CHST11: variants seen among roughly 807,000 people sequenced by gnomAD.
The protein encoded by CHST11 is carbohydrate sulfotransferase 11, also known as C4S-1.
Under a neutral mutation model 30.4 loss-of-function variants are expected in CHST11, and 9 were observed. The observed-to-expected ratio is 0.30, with a 90% CI of 0.18 to 0.52. The LOEUF (loss-of-function observed/expected upper bound fraction) is 0.52, where lower values mean the gene tolerates loss of function less well. Among genes scored for constraint, CHST11 ranks in the 20% least tolerant of loss-of-function variants. The pLI is 0.97. For missense variants in CHST11, 348 were observed against 460.6 expected (o/e 0.76, Z 2.24); for synonymous variants, 152 against 187.8 (o/e 0.81, Z 1.56).
chr12:104,534,001 T>C (rs961926843), intron 1 of CHST11, among the ~76,000 whole-genome samples: 2 of 152,186 alleles, frequency 1.3e-5, no homozygotes, highest in African/African-American at 4.8e-5. Context: ...AAGTTACTTA[T>C]AATGAAAGAG....
intron 1 of CHST11, among the ~76,000 whole-genome samples, chr12:104,478,243 T>C (rs543753402): frequency 1.3e-5 from 2 of 152,354 alleles, no homozygotes; most frequent in South Asian, 2.1e-4. Context: ...CTGTTACTTA[T>C]ATCTCCAGAA....
intron 2 of CHST11, among the ~76,000 whole-genome samples, chr12:104,653,959 C>T (rs1268827099): frequency 2.6e-5 from 4 of 152,140 alleles, no homozygotes; most frequent in Admixed American, 6.5e-5. Flanking sequence ...GGTAGTAAAA[C>T]GTCCCCGACA....
intron 2 of CHST11, among the ~76,000 whole-genome samples, chr12:104,630,912 C>T (rs10861259): frequency 0.3 from 44,902 of 152,070 alleles, 7,499 homozygotes; most frequent in East Asian, 0.41. Flanking sequence ...AGGCTTTCTT[C>T]TGAAACAGGA....
At chr12:104,692,996 A>G (rs1355861618) in intron 2 of CHST11, among the ~76,000 whole-genome samples, 8 of 152,130 alleles carry the variant, frequency 5.3e-5, no homozygotes, top group Non-Finnish European at 4.4e-5. Context: ...GGAGGCTGGA[A>G]GTCCAAGATC....
intron 2 of CHST11, among the ~76,000 whole-genome samples, chr12:104,736,722 G>T (rs2040304150): frequency 6.6e-6 from 1 of 152,156 alleles, no homozygotes; most frequent in African/African-American, 2.4e-5. Flanking sequence ...GGGTCTTAGA[G>T]TAGCCCTTTG....
At chr12:104,720,768 A>G (rs1023707212) in intron 2 of CHST11, among the ~76,000 whole-genome samples, 1 of 152,336 alleles carries the variant, frequency 6.6e-6, no homozygotes, top group Middle Eastern at 3.4e-3. Flanking sequence ...GTAGAAATCT[A>G]ATTTGAAAAA....
chr12:104,502,465 GA>G (rs1187587355), intron 1 of CHST11, among the ~76,000 whole-genome samples: 3 of 151,974 alleles, frequency 2.0e-5, no homozygotes, highest in East Asian at 1.9e-4. Flanking sequence ...TTGCTGTGGG[GA>G]AAAAAAGTCA....
chr12:104,459,979 A>G (rs568653444), intron 1 of CHST11, among the ~76,000 whole-genome samples: 1 of 152,396 alleles, frequency 6.6e-6, no homozygotes, highest in South Asian at 2.1e-4. Context: ...GTTTATCATT[A>G]CACGGGGCAT....
At chr12:104,584,261 CTT>C (rs34673490) in intron 1 of CHST11, among the ~76,000 whole-genome samples, 3 of 136,774 alleles carry the variant, frequency 2.2e-5, no homozygotes, top group African/African-American at 5.4e-5. Context: ...TCTCTTTCTT[CTT>C]TTTTTTTTTT....
At chr12:104,493,267 C>T (rs982024094) in intron 1 of CHST11, among the ~76,000 whole-genome samples, 1 of 152,164 alleles carries the variant, frequency 6.6e-6, no homozygotes, top group African/African-American at 2.4e-5. Context: ...CTAGTGTTTA[C>T]CTTGGAGCTG....
At chr12:104,756,811 T>C (rs1186726947) in intron 2 of CHST11, 138 bp from the exon 3 acceptor site, 1 of 989,168 alleles carries the variant, frequency 1.0e-6, no homozygotes, top group Non-Finnish European at 1.5e-6. Context: ...CTTCCCAGAG[T>C]GCTGGGATTA....
In CHST11 at chr12:104,589,168, G is replaced by A. The variant is rs545946458; in HGVS notation, c.119-12738G>A. The stretch of plus-strand genomic sequence containing the variant: ...TAATTCCAGCACTTTGGGAGGCCGA[G>A]GTGGGTGGATTGCTTGAGTCCAGGA... On this transcript the variant is annotated intron_variant, in intron 1 of 2. Coordinates refer to ENST00000303694, the MANE Select transcript of CHST11 (RefSeq NM_018413.6). Among the ~76,000 whole-genome samples, 12 of 152,200 alleles carry A rather than the reference G, an allele frequency of 7.9e-5. No individual in the cohort carries two copies. The East Asian group carries it at 1.9e-3, about 24-fold the overall frequency.
At chr12:104,488,738 C>CACGT (rs2037715141) in intron 1 of CHST11, among the ~76,000 whole-genome samples, 1 of 67,966 alleles carries the variant, frequency 1.5e-5, no homozygotes, top group African/African-American at 7.3e-5. Flanking sequence ...TGTATGTGTA[C>CACGT]GCGTGTGTGT....
chr12:104,705,393 G>A (rs1167413680), intron 2 of CHST11, among the ~76,000 whole-genome samples: 1 of 152,096 alleles, frequency 6.6e-6, no homozygotes, highest in African/African-American at 2.4e-5. Context: ...ACCAGGGGTC[G>A]CAGGTATGTA....
chr12:104,696,601 G>T (rs1229180240), intron 2 of CHST11, among the ~76,000 whole-genome samples: 1 of 151,858 alleles, frequency 6.6e-6, no homozygotes, highest in East Asian at 1.9e-4. Flanking sequence ...GGAAGGCAGA[G>T]GTTGAAGTGA....
chr12:104,513,482 A>G (rs1036048080), intron 1 of CHST11, among the ~76,000 whole-genome samples: 2 of 152,246 alleles, frequency 1.3e-5, no homozygotes, highest in Middle Eastern at 3.4e-3. Context: ...ACTAACATAT[A>G]ACCTTTGTGT....
At chr12:104,607,693 T>C (rs1566005657) in intron 2 of CHST11, among the ~76,000 whole-genome samples, 2 of 152,068 alleles carry the variant, frequency 1.3e-5, no homozygotes, top group Non-Finnish European at 2.9e-5. Context: ...GAGGGGTTTG[T>C]GGCTGGAGTG....
chr12:104,682,921 G>T (rs779054698), intron 2 of CHST11, among the ~76,000 whole-genome samples: 1 of 152,176 alleles, frequency 6.6e-6, no homozygotes, highest in African/African-American at 2.4e-5. Flanking sequence ...CCTGTGTCCA[G>T]CCCCACCTGA....
intron 2 of CHST11, among the ~76,000 whole-genome samples, chr12:104,616,160 G>T (rs933416952): frequency 6.6e-6 from 1 of 152,146 alleles, no homozygotes; most frequent in Non-Finnish European, 1.5e-5. Flanking sequence ...GAACTCCATC[G>T]TCTGCCGGAT....
Sources: gnomAD v4.1 joint callset for allele counts (sites outside exome capture counted in the v4.1 genomes callset) on GRCh38, gnomAD v4.1.1 for gene constraint, MANE v1.5 for transcripts, NCBI Gene and HGNC (gene_info 2026-07-23, HGNC 2026-07-21) for gene names.